Variants in SCN10A observed in about 807,000 individuals in gnomAD.
The protein encoded by SCN10A is sodium voltage-gated channel alpha subunit 10.
Under a neutral mutation model 170.7 loss-of-function variants are expected in SCN10A, and 162 were observed. That is an observed-to-expected ratio of 0.95 (90% CI 0.84 to 1.08). The LOEUF is 1.08. Ranked by LOEUF, SCN10A falls within the 50% of genes least tolerant of loss-of-function variation. The pLI is 0.00. For synonymous variants in SCN10A, 985 were observed against 904.6 expected (o/e 1.09, Z -1.59); for missense variants, 2,527 against 2,436.9 (o/e 1.04, Z -0.78).
intron 2 of SCN10A, among the ~76,000 whole-genome samples, chr3:38,793,504 C>T (rs181886540): frequency 6.6e-6 from 1 of 152,248 alleles, no homozygotes; most frequent in Admixed American, 6.5e-5. Flanking sequence ...GAAAGCTCTG[C>T]AGCAGTTATC....
chr3:38,698,129 T>A lies in SCN10A; in HGVS notation c.5091A>T (p.Val1697=), dbSNP rs1287326495. The A allele has an allele frequency of 6.2e-7, 1 of 1,614,118 alleles. No individual in the cohort carries two copies. The highest frequency in any genetic ancestry group is 8.5e-7 in the Non-Finnish European group (1 of 1,180,012). The change falls in exon 28 of 28, where the codon GTA becomes GTT. Residue 1697 remains valine, a synonymous_variant. Transcript: ENST00000449082. ...TGTAGGTGGTGAAGAAGATGATGCC[T>A]ACGGCTGGGCTCCCACAGTCCCCTC... The part of the protein sequence containing the change: ...GTRGDCGSPA[V]GIIFFTTYII...
rs548997227 is a variant in SCN10A at position 38,719,326 on chromosome 3, G to A, written c.3508-500C>T. ...AGACTGGTGGAGATGGAAAAGAATA[G>A]GGGAAACCCTAGGATGCTGTGGCTG... On this transcript the variant is annotated intron_variant, in intron 20 of 27. Coordinates refer to ENST00000449082, the MANE Select transcript of SCN10A (RefSeq NM_006514.4). Among the ~76,000 whole-genome samples the A allele has an allele frequency of 2.8e-3, 412 of 145,482 alleles. 2 individuals carry two copies. The highest frequency in any genetic ancestry group is 9.6e-3 in the African/African-American group (383 of 40,074).
intron 4 of SCN10A, among the ~76,000 whole-genome samples, chr3:38,784,117 T>C (rs2064170415): frequency 6.6e-6 from 1 of 152,114 alleles, no homozygotes. Flanking sequence ...TTTTTCATGC[T>C]CTTAAAGTTG....
chr3:38,767,827 G>A (rs1486963024), intron 5 of SCN10A, among the ~76,000 whole-genome samples: 2 of 152,052 alleles, frequency 1.3e-5, no homozygotes, highest in African/African-American at 2.4e-5. Flanking sequence ...GTCTAGTGCT[G>A]TCAGTGGAAT....
intron 5 of SCN10A, among the ~76,000 whole-genome samples, chr3:38,765,165 T>G (rs1052794762): frequency 1.3e-5 from 2 of 152,348 alleles, no homozygotes; most frequent in African/African-American, 2.4e-5. Flanking sequence ...ATGGGTTGTC[T>G]GTTTACTTGG....
chr3:38,700,145 C>G (rs150869539), intron 27 of SCN10A, among the ~76,000 whole-genome samples: 140 of 152,220 alleles, frequency 9.2e-4, no homozygotes, highest in African/African-American at 3.3e-3. Flanking sequence ...AACCAACCAA[C>G]CAACAAAAAC....
rs1355831488 is a variant in SCN10A at position 38,789,044 on chromosome 3, G to A, written c.390-8C>T. On this transcript the variant is annotated splice_region_variant and splice_polypyrimidine_tract_variant and intron_variant, in intron 3 of 27. Transcript: ENST00000449082. Reference sequence around the variant, plus strand: ...ATAAATAAACTGAACCACCTGAAAGGCCTGTGTTAAGGAAAAGCTGAGATC... The same window carrying A: ...ATAAATAAACTGAACCACCTGAAAGACCTGTGTTAAGGAAAAGCTGAGATC... 3 of 1,589,942 alleles carry A rather than the reference G, an allele frequency of 1.9e-6. No individual in the cohort carries two copies. Among genetic ancestry groups the A allele is most frequent in the Non-Finnish European group, 2.6e-6 (3 of 1,158,504 alleles).
At chr3:38,790,871 A>T (rs1477200197) in intron 3 of SCN10A, among the ~76,000 whole-genome samples, 1 of 152,202 alleles carries the variant, frequency 6.6e-6, no homozygotes, top group Non-Finnish European at 1.5e-5. Flanking sequence ...CTGTATTGTC[A>T]TTAAATATCC....
chr3:38,707,258 G>C (rs762855694), intron 26 of SCN10A, 21 bp downstream of exon 26: 12 of 1,612,244 alleles, frequency 7.4e-6, no homozygotes, highest in East Asian at 2.2e-5. Context: ...GGCTGTGCTA[G>C]AGGAAACCTC....
intron 1 of SCN10A, among the ~76,000 whole-genome samples, chr3:38,812,557 A>T (rs956187983): frequency 3.9e-5 from 6 of 152,182 alleles, no homozygotes; most frequent in African/African-American, 1.4e-4. Flanking sequence ...ACTACCCCCA[A>T]GACAAAGATG....
rs564376364 is a variant in SCN10A, at chr3:38,778,826, C to T, written c.471-7419G>A. Among the ~76,000 whole-genome samples the T allele has an allele frequency of 2.6e-5, 4 of 152,024 alleles. No homozygotes were observed. In the South Asian group the frequency reaches 6.2e-4, roughly 24 times the overall value. On this transcript the variant is annotated intron_variant, in intron 4 of 27. Transcript: ENST00000449082. ...AGAAAATCTAGTCTGATTATTTCCACGAGGCCAAGGATGCTGAACATCATC... is the reference window on the plus strand; with the variant it reads ...AGAAAATCTAGTCTGATTATTTCCATGAGGCCAAGGATGCTGAACATCATC...
In SCN10A at chr3:38,728,868, T is replaced by A; in HGVS notation, c.2314A>T (p.Thr772Ser). Residue 772 changes from threonine (T) to serine (S), a missense_variant, in exon 16 of 28, where the codon ACC becomes TCC. Thr to Ser is a moderately conservative substitution (Grantham distance 58). Transcript: ENST00000449082. ...RVFKLAKSWP[T>S]LNTLIKIIGN... ...ATGATCTTGATGAGTGTGTTTAAGGTGGGCCAGGATTTGGCCAGCTTGAAT... is the reference window on the plus strand; with the variant it reads ...ATGATCTTGATGAGTGTGTTTAAGGAGGGCCAGGATTTGGCCAGCTTGAAT... 6.2e-7 allele frequency: 1 copy of A among 1,612,692 alleles called. No individual in the cohort carries two copies. Among genetic ancestry groups the A allele is most frequent in the South Asian group, 1.1e-5 (1 of 91,050 alleles).
chr3:38,793,659 C>A (rs1261614445), intron 2 of SCN10A, 82 bp downstream of exon 2: 2 of 1,464,208 alleles, frequency 1.4e-6, no homozygotes, highest in South Asian at 2.6e-5. Context: ...CACCCAGGGC[C>A]AAGGAGGACT....
intron 26 of SCN10A, 84 bp downstream of exon 26, chr3:38,707,195 C>A: frequency 7.0e-7 from 1 of 1,422,258 alleles, no homozygotes; most frequent in Non-Finnish European, 9.7e-7. Flanking sequence ...AACAGCACTC[C>A]CTCAGGCCCC....
In SCN10A at chr3:38,793,958, G is replaced by C. The variant is rs190176472; in HGVS notation, c.53C>G (p.Pro18Arg). The change falls in exon 2 of 28, where the codon CCG becomes CGG. Residue 18 changes from proline (P) to arginine (R), a missense_variant. Physicochemically the swap from Pro to Arg is moderately radical, Grantham distance 103. Transcript: ENST00000449082. ...CTTCTCTATCTCCACCAGTGACTCC[G>C]GAGTAAAGCGACGGAAGTTGTTAGT... ...LETNNFRRFT[P>R]ESLVEIEKQI... 1 of 1,613,952 alleles carries C rather than the reference G, an allele frequency of 6.2e-7. No individual in the cohort carries two copies. Among genetic ancestry groups the C allele is most frequent in the Admixed American group, 1.7e-5 (1 of 60,010 alleles).
At chr3:38,719,936 C>T (rs1483690931) in intron 20 of SCN10A, among the ~76,000 whole-genome samples, 6 of 152,218 alleles carry the variant, frequency 3.9e-5, no homozygotes, top group African/African-American at 9.6e-5. Flanking sequence ...CTGATGGCTT[C>T]GCTGGGCTGG....
intron 19 of SCN10A, among the ~76,000 whole-genome samples, 190 bp downstream of exon 19, chr3:38,723,240 T>C (rs2063413701): frequency 6.6e-6 from 1 of 152,180 alleles, no homozygotes; most frequent in African/African-American, 2.4e-5. Context: ...GGGCATGAGA[T>C]GCAGATACCA....
At chr3:38,776,395 T>A (rs2064075519) in intron 4 of SCN10A, among the ~76,000 whole-genome samples, 1 of 152,078 alleles carries the variant, frequency 6.6e-6, no homozygotes, top group African/African-American at 2.4e-5. Flanking sequence ...ATGACTCTTT[T>A]TTTTGAATTG....
intron 1 of SCN10A, among the ~76,000 whole-genome samples, chr3:38,804,536 T>G (rs73826366): frequency 6.6e-6 from 1 of 152,076 alleles, no homozygotes; most frequent in Non-Finnish European, 1.5e-5. Flanking sequence ...TTTTAGGTAA[T>G]CAACAGTTAT....
Sources: allele counts gnomAD v4.1 joint callset (sites outside exome capture counted in the v4.1 genomes callset), GRCh38; gene constraint gnomAD v4.1.1; transcripts MANE v1.5; gene names NCBI Gene and HGNC (gene_info 2026-07-23, HGNC 2026-07-21).